DOCK2: variants seen among roughly 807,000 people sequenced by gnomAD.
DOCK2 encodes the protein dedicator of cytokinesis protein 2.
In DOCK2, 87 loss-of-function variants were observed where a neutral mutation model predicts 248.9. That is an observed-to-expected ratio of 0.35 (90% CI 0.29 to 0.42). DOCK2 has a LOEUF of 0.42. DOCK2 is among the 10% of genes least tolerant of loss of function. The pLI is 1.00. For synonymous variants in DOCK2, 805 were observed against 821.6 expected (o/e 0.98, Z 0.35); for missense variants, 1,747 against 2,300.2 (o/e 0.76, Z 4.92).
At chr5:169,934,363 C>G (rs1246512280) in intron 27 of DOCK2, among the ~76,000 whole-genome samples, 2 of 152,162 alleles carry the variant, frequency 1.3e-5, no homozygotes, top group Non-Finnish European at 2.9e-5. Flanking sequence ...GGATCATAGC[C>G]AATACCACCC....
intron 27 of DOCK2, among the ~76,000 whole-genome samples, chr5:169,869,758 ACT>A (rs1308064725): frequency 6.6e-6 from 1 of 152,018 alleles, no homozygotes; most frequent in Non-Finnish European, 1.5e-5. Flanking sequence ...AGTGGGAGAG[ACT>A]CTCTGCTTTG....
At chr5:169,924,280 C>T (rs1775324833) in intron 27 of DOCK2, among the ~76,000 whole-genome samples, 1 of 152,200 alleles carries the variant, frequency 6.6e-6, no homozygotes, top group African/African-American at 2.4e-5. Context: ...CAAGAGACAT[C>T]AAGCTTCAAA....
chr5:169,862,881 A>T (rs542368321), intron 27 of DOCK2, among the ~76,000 whole-genome samples: 89 of 152,214 alleles, frequency 5.8e-4, no homozygotes, highest in Non-Finnish European at 7.2e-4. Flanking sequence ...TCTAGCTTAG[A>T]CACTGGATCT....
At chr5:169,700,883 GGAGA>G (rs372793221) in intron 13 of DOCK2, among the ~76,000 whole-genome samples, 21 of 148,624 alleles carry the variant, frequency 1.4e-4, no homozygotes, top group African/African-American at 4.2e-4. Flanking sequence ...GCGGGGGCAG[GGAGA>G]GAGAGAGAGA....
chr5:169,972,229 G>A (rs1300602574), intron 27 of DOCK2, among the ~76,000 whole-genome samples: 1 of 152,040 alleles, frequency 6.6e-6, no homozygotes, highest in Non-Finnish European at 1.5e-5. Context: ...TACCCTCATA[G>A]ATTGTTCCTG....
chr5:169,890,690 G>C (rs551571901), intron 27 of DOCK2, among the ~76,000 whole-genome samples: 4 of 152,170 alleles, frequency 2.6e-5, no homozygotes, highest in Non-Finnish European at 4.4e-5. Flanking sequence ...GGCACCAAAA[G>C]GTGAGGTTAA....
At chr5:169,708,500 G>A (rs1192790198) in intron 15 of DOCK2, among the ~76,000 whole-genome samples, 1 of 152,044 alleles carries the variant, frequency 6.6e-6, no homozygotes, top group Non-Finnish European at 1.5e-5. Flanking sequence ...GAGCAGTCTG[G>A]CTCTGGGTCT....
intron 27 of DOCK2, among the ~76,000 whole-genome samples, chr5:169,894,895 A>G (rs750604972): frequency 3.3e-4 from 50 of 152,196 alleles, no homozygotes; most frequent in Non-Finnish European, 6.3e-4. Flanking sequence ...AACGAAACTC[A>G]AGGAGAAAAT....
intron 27 of DOCK2, among the ~76,000 whole-genome samples, chr5:169,889,249 A>AT (rs886634724): frequency 6.6e-6 from 1 of 152,040 alleles, no homozygotes. Flanking sequence ...CACTTCCAAC[A>AT]TTTTTTTTCC....
chr5:170,057,201 G>A, intron 43 of DOCK2: 1 of 373,902 alleles, frequency 2.7e-6, no homozygotes, highest in East Asian at 6.9e-5. Context: ...GTGTCTCCAA[G>A]TCTCAGCTCT....
chr5:169,689,218 T>C, intron 8 of DOCK2, 34 bp from the exon 9 acceptor site: 1 of 1,608,580 alleles, frequency 6.2e-7, no homozygotes, highest in Non-Finnish European at 8.5e-7. Context: ...TCAGGTCCCT[T>C]GGCAGTAACG....
chr5:170,068,185 A>C (rs1020826085), intron 45 of DOCK2, among the ~76,000 whole-genome samples: 3 of 152,322 alleles, frequency 2.0e-5, no homozygotes, highest in African/African-American at 7.2e-5. Flanking sequence ...CCCTCCAGAA[A>C]GCCCCACATG....
chr5:169,820,962 C>T (rs1315310703), intron 26 of DOCK2, among the ~76,000 whole-genome samples: 2 of 152,154 alleles, frequency 1.3e-5, no homozygotes, highest in Admixed American at 6.5e-5. Context: ...ACGAGAACTA[C>T]GTGACGAATG....
In DOCK2 at chr5:169,650,078, G is replaced by A. The variant is rs958288579; in HGVS notation, c.44-4325G>A. The stretch of plus-strand genomic sequence containing the variant: ...CTCCCCTAGTGTTGGGATTACAGGC[G>A]TGAGCCGCCGCACCTGGCAGTGCTG... On this transcript the variant is annotated intron_variant, in intron 1 of 51. Transcript: ENST00000520908. Among the ~76,000 whole-genome samples the A allele has an allele frequency of 3.9e-5, 6 of 152,258 alleles. No homozygotes were observed. The South Asian group carries it at 6.2e-4, about 16-fold the overall frequency.
chr5:169,842,024 T>C (rs373750281), intron 27 of DOCK2, among the ~76,000 whole-genome samples: 3 of 152,338 alleles, frequency 2.0e-5, no homozygotes, highest in Non-Finnish European at 4.4e-5. Flanking sequence ...GACTGATTGA[T>C]ACCATGTGGG....
intron 25 of DOCK2, chr5:169,773,206 A>G (rs528048361): frequency 5.9e-5 from 9 of 152,312 alleles, no homozygotes; most frequent in Non-Finnish European, 1.0e-4. Context: ...ATCAGAGAAG[A>G]CAGTGATTTA....
At chr5:169,859,171 A>C (rs1264547749) in intron 27 of DOCK2, among the ~76,000 whole-genome samples, 2 of 152,188 alleles carry the variant, frequency 1.3e-5, no homozygotes, top group Non-Finnish European at 2.9e-5. Flanking sequence ...TTAGTCTGGC[A>C]ATGAGAGAAC....
At chr5:169,809,419 C>T (rs1052575953) in intron 26 of DOCK2, among the ~76,000 whole-genome samples, 34 of 152,216 alleles carry the variant, frequency 2.2e-4, no homozygotes, top group African/African-American at 7.0e-4. Context: ...ATCCTAAACT[C>T]GTTTGGAGTT....
intron 2 of DOCK2, among the ~76,000 whole-genome samples, chr5:169,663,890 T>A (rs566170750): frequency 9.8e-5 from 15 of 152,374 alleles, no homozygotes; most frequent in Admixed American, 7.2e-4. Flanking sequence ...ATTCAGCTCC[T>A]TGTTACTTAT....
Sources: allele counts gnomAD v4.1 joint callset (sites outside exome capture counted in the v4.1 genomes callset), GRCh38; gene constraint gnomAD v4.1.1; transcripts MANE v1.5; gene names NCBI Gene and HGNC (gene_info 2026-07-23, HGNC 2026-07-21).